Variants in PHLPP1 observed in about 807,000 individuals in gnomAD.
PHLPP1 encodes the protein PH domain leucine-rich repeat-containing protein phosphatase 1.
Under a neutral mutation model 117.2 loss-of-function variants are expected in PHLPP1, and 42 were observed. That is an observed-to-expected ratio of 0.36 (90% CI 0.28 to 0.46). The LOEUF is 0.46. Ranked by LOEUF, PHLPP1 falls within the 20% of genes least tolerant of loss-of-function variation. PHLPP1 has a pLI of 1.00. For synonymous variants in PHLPP1, 1,042 were observed against 970.7 expected (o/e 1.07, Z -1.37); for missense variants, 2,084 against 2,241.9 (o/e 0.93, Z 1.42).
chr18:62,959,561 A>G (rs1164577130), intron 13 of PHLPP1, among the ~76,000 whole-genome samples: 1 of 152,090 alleles, frequency 6.6e-6, no homozygotes, highest in Non-Finnish European at 1.5e-5. Context: ...ACTTTTCTGA[A>G]TTTTCAGAAT....
intron 3 of PHLPP1, among the ~76,000 whole-genome samples, chr18:62,846,214 A>T (rs2144347860): frequency 6.6e-6 from 1 of 150,676 alleles, no homozygotes; most frequent in East Asian, 1.9e-4. Context: ...CATCTCAAAA[A>T]AAAAAAAAAA....
intron 1 of PHLPP1, among the ~76,000 whole-genome samples, chr18:62,764,801 A>G (rs187858129): frequency 1.3e-5 from 2 of 152,304 alleles, no homozygotes; most frequent in Admixed American, 6.5e-5. Flanking sequence ...ATTATTGGCT[A>G]TTTGCCATAT....
chr18:62,960,254 A>C (rs1472995151), intron 13 of PHLPP1, among the ~76,000 whole-genome samples: 2 of 152,208 alleles, frequency 1.3e-5, no homozygotes, highest in Non-Finnish European at 2.9e-5. Context: ...CTGTAAAATT[A>C]AATGATTTTT....
At chr18:62,728,116 G>A (rs1380811449) in intron 1 of PHLPP1, among the ~76,000 whole-genome samples, 1 of 151,922 alleles carries the variant, frequency 6.6e-6, no homozygotes, top group Non-Finnish European at 1.5e-5. Context: ...CCAACATGGT[G>A]AAACCTCGTC....
intron 10 of PHLPP1, among the ~76,000 whole-genome samples, chr18:62,938,654 C>T (rs1910041104): frequency 6.6e-6 from 1 of 152,174 alleles, no homozygotes; most frequent in Admixed American, 6.5e-5. Context: ...TAACTAGTTT[C>T]ATTTCTTGGA....
chr18:62,958,595 A>G (rs760221742), intron 12 of PHLPP1, 34 bp from the exon 13 acceptor site: 3 of 1,612,204 alleles, frequency 1.9e-6, no homozygotes, highest in South Asian at 1.1e-5. Flanking sequence ...TCTCTAGACC[A>G]TCTCTTTCTT....
intron 1 of PHLPP1, among the ~76,000 whole-genome samples, chr18:62,736,557 T>C (rs1373765866): frequency 1.3e-5 from 2 of 152,204 alleles, no homozygotes; most frequent in African/African-American, 4.8e-5. Context: ...ACAGATTGTG[T>C]AGCGGATATC....
intron 10 of PHLPP1, among the ~76,000 whole-genome samples, chr18:62,927,253 C>T (rs879885444): frequency 2.6e-5 from 4 of 152,066 alleles, no homozygotes; most frequent in Non-Finnish European, 4.4e-5. Flanking sequence ...GATATAGCAT[C>T]GAACTAAGAA....
intron 1 of PHLPP1, among the ~76,000 whole-genome samples, chr18:62,807,072 T>G (rs1913971858): frequency 6.6e-6 from 1 of 152,124 alleles, no homozygotes; most frequent in African/African-American, 2.4e-5. Flanking sequence ...AGGTATTAAT[T>G]GGATTTTTTT....
chr18:62,938,324 G>T (rs1568167618), intron 10 of PHLPP1, among the ~76,000 whole-genome samples: 1 of 152,126 alleles, frequency 6.6e-6, no homozygotes, highest in Non-Finnish European at 1.5e-5. Context: ...AGAGAGTGGG[G>T]TTCTGGAGCC....
At chr18:62,900,003 A>G (rs1016864389) in intron 6 of PHLPP1, among the ~76,000 whole-genome samples, 2 of 152,042 alleles carry the variant, frequency 1.3e-5, no homozygotes, top group Non-Finnish European at 2.9e-5. Flanking sequence ...TGCCTTTTAA[A>G]AAGTTTGTCT....
intron 8 of PHLPP1, among the ~76,000 whole-genome samples, chr18:62,912,357 ATTTT>A (rs34312332): frequency 6.8e-6 from 1 of 146,912 alleles, no homozygotes; most frequent in Non-Finnish European, 1.5e-5. Context: ...CAAAAAAAAA[ATTTT>A]TTTTTATTAT....
chr18:62,852,197 A>G (rs745991524), intron 3 of PHLPP1, among the ~76,000 whole-genome samples: 3 of 152,062 alleles, frequency 2.0e-5, no homozygotes, highest in Non-Finnish European at 2.9e-5. Flanking sequence ...TATTGCTTAT[A>G]TATCTTTTTC....
At chr18:62,841,214 A>T (rs945636255) in intron 3 of PHLPP1, among the ~76,000 whole-genome samples, 26 of 150,470 alleles carry the variant, frequency 1.7e-4, no homozygotes, top group African/African-American at 6.1e-4. Flanking sequence ...TAGTTTTTCC[A>T]TTGCCTTTTT....
chr18:62,903,190 A>C, intron 7 of PHLPP1, 24 bp downstream of exon 7: 1 of 1,522,792 alleles, frequency 6.6e-7, no homozygotes, highest in Non-Finnish European at 9.1e-7. Flanking sequence ...GCTACATCAA[A>C]GTTGCTCTTT....
chr18:62,744,656 A>G (rs1050818254), intron 1 of PHLPP1, among the ~76,000 whole-genome samples: 2 of 152,360 alleles, frequency 1.3e-5, no homozygotes, highest in African/African-American at 2.4e-5. Context: ...CAACCTGATA[A>G]TGAAGGCATA....
chr18:62,749,041 C>G (rs1021171018), intron 1 of PHLPP1, among the ~76,000 whole-genome samples: 4 of 152,070 alleles, frequency 2.6e-5, no homozygotes, highest in African/African-American at 9.6e-5. Flanking sequence ...AAACAAAACC[C>G]CAAAAACAAA....
intron 3 of PHLPP1, among the ~76,000 whole-genome samples, chr18:62,853,921 A>G (rs2144355921): frequency 6.6e-6 from 1 of 152,332 alleles, no homozygotes; most frequent in East Asian, 1.9e-4. Context: ...TTTTAAAATG[A>G]ATAAAATGGT....
intron 14 of PHLPP1, among the ~76,000 whole-genome samples, chr18:62,967,617 T>A (rs925910298): frequency 1.3e-5 from 2 of 152,118 alleles, no homozygotes; most frequent in African/African-American, 4.8e-5. Context: ...TATATCTAGT[T>A]TGCTAAGATT....
Sources: allele counts gnomAD v4.1 joint callset (sites outside exome capture counted in the v4.1 genomes callset), GRCh38; gene constraint gnomAD v4.1.1; transcripts MANE v1.5; gene names NCBI Gene and HGNC (gene_info 2026-07-23, HGNC 2026-07-21).